Variants in CD44 observed in about 807,000 individuals in gnomAD.
The protein encoded by CD44 is CD44 antigen.
In CD44, 49 loss-of-function variants were observed where a neutral mutation model predicts 88.8. That is an observed-to-expected ratio of 0.55 (90% confidence interval 0.44 to 0.70). The LOEUF is 0.70. Ranked by LOEUF, CD44 falls within the 30% of genes least tolerant of loss-of-function variation. CD44 has a pLI of 0.00. For missense variants in CD44, 883 were observed against 913.8 expected, an observed-to-expected ratio of 0.97 and a Z score of 0.43; for synonymous variants, 325 against 312.3, an observed-to-expected ratio of 1.04 and a Z score of -0.43.
chr11:35,223,327 T>G, intron 17 of CD44: 2 of 979,520 alleles, frequency 2.0e-6, no homozygotes, highest in Non-Finnish European at 2.4e-6. Flanking sequence ...TCCTATTGTG[T>G]GCAATCAGCC....
intron 2 of CD44, among the ~76,000 whole-genome samples, chr11:35,178,369 A>G (rs1378610121): frequency 6.6e-6 from 1 of 152,146 alleles, no homozygotes; most frequent in African/African-American, 2.4e-5. Flanking sequence ...TTAATCCTCA[A>G]ACTGCAGTAT....
At chr11:35,224,216 C>T (rs1411592528) in intron 17 of CD44, among the ~76,000 whole-genome samples, 2 of 152,172 alleles carry the variant, frequency 1.3e-5, no homozygotes, top group South Asian at 4.1e-4. Flanking sequence ...GTCACGTTGT[C>T]TTAAAGATGC....
intron 8 of CD44, 161 bp from the exon 9 acceptor site, chr11:35,201,510 G>C (rs1362293074): frequency 2.7e-6 from 2 of 743,410 alleles, no homozygotes; most frequent in Non-Finnish European, 4.3e-6. Flanking sequence ...ATTTTCTCTT[G>C]AGACCAATTA....
intron 1 of CD44, among the ~76,000 whole-genome samples, chr11:35,140,463 G>A (rs1267497182): frequency 6.6e-6 from 1 of 152,158 alleles, no homozygotes; most frequent in East Asian, 1.9e-4. Context: ...CCAGTTCCAC[G>A]GGAGTACTGA....
chr11:35,140,578 G>C (rs1304830823), intron 1 of CD44, among the ~76,000 whole-genome samples: 1 of 152,154 alleles, frequency 6.6e-6, no homozygotes, highest in South Asian at 2.1e-4. Flanking sequence ...TTCTGCAGTA[G>C]GAAGAAAGTG....
intron 1 of CD44, among the ~76,000 whole-genome samples, chr11:35,140,609 A>AGGATGAGT (rs1371756772): frequency 2.6e-5 from 4 of 152,332 alleles, no homozygotes; most frequent in African/African-American, 9.6e-5. Context: ...GAGGCTAGGC[A>AGGATGAGT]GGATGAGTTC....
intron 12 of CD44, among the ~76,000 whole-genome samples, 183 bp downstream of exon 12, chr11:35,208,389 T>A (rs550476519): frequency 1.3e-5 from 2 of 152,222 alleles, no homozygotes; most frequent in Non-Finnish European, 2.9e-5. Flanking sequence ...TGATTTTCCC[T>A]TCATTTCTTT....
Position 35,201,136 on chromosome 11 carries a change from A to G in CD44, c.977A>G (p.Gln326Arg). 6.2e-7 allele frequency: 1 copy of G among 1,614,164 alleles called. No individual in the cohort carries two copies. The highest frequency in any genetic ancestry group is 1.1e-5 in the South Asian group (1 of 91,090). The change falls in exon 8 of 18, where the codon CAG (glutamine) becomes CGG (arginine). Residue 326 changes from glutamine (Q) to arginine (R), a missense_variant. Gln to Arg is a conservative substitution (Grantham distance 43). Around this residue, in one of 2 missense-constraint regions of CD44, gnomAD observed 631 missense variants for 590.9 expected, o/e 1.07. Coordinates refer to ENST00000428726, the MANE Select transcript of CD44 (RefSeq NM_000610.4). The stretch of plus-strand genomic sequence containing the variant: ...ACAAAACAGAACCAGGACTGGACCC[A>G]GTGGAACCCAAGCCATTCAAATCCG... Reference protein sequence around the residue: ...DHTKQNQDWTQWNPSHSNPEV... With the variant: ...DHTKQNQDWTRWNPSHSNPEV...
intron 1 of CD44, among the ~76,000 whole-genome samples, chr11:35,153,032 T>C (rs1461317684): frequency 4.6e-5 from 7 of 152,210 alleles, no homozygotes; most frequent in African/African-American, 1.7e-4. Flanking sequence ...TAACAGGGCA[T>C]GTCAGAATGG....
chr11:35,206,939 G>A (rs887727943), intron 11 of CD44, among the ~76,000 whole-genome samples: 9 of 152,210 alleles, frequency 5.9e-5, no homozygotes, highest in African/African-American at 2.2e-4. Context: ...TTAATTCTAT[G>A]TACTGATGAA....
chr11:35,193,189 GGAA>G (rs896355153), intron 5 of CD44, among the ~76,000 whole-genome samples: 14 of 152,110 alleles, frequency 9.2e-5, no homozygotes, highest in African/African-American at 3.4e-4. Flanking sequence ...GGGCCACATT[GGAA>G]GAAGAATTGT....
intron 2 of CD44, among the ~76,000 whole-genome samples, chr11:35,179,931 ACTT>A (rs927901596): frequency 1.3e-5 from 2 of 152,104 alleles, no homozygotes; most frequent in Non-Finnish European, 2.9e-5. Context: ...TTACATCAAA[ACTT>A]CTCTCTTCTG....
At chr11:35,186,806 CT>C in intron 3 of CD44, 25 bp from the exon 4 acceptor site, 1 of 1,411,736 alleles carries the variant, frequency 7.1e-7, no homozygotes, top group Non-Finnish European at 1.0e-6. Context: ...TTAAAGGGTT[CT>C]CATCCTTTTT....
At chr11:35,221,486 A>C (rs1244407328) in intron 16 of CD44, among the ~76,000 whole-genome samples, 168 bp from the exon 17 acceptor site, 2 of 152,250 alleles carry the variant, frequency 1.3e-5, no homozygotes, top group African/African-American at 4.8e-5. Flanking sequence ...TACCTTCAGC[A>C]AATTGCTCTT....
intron 13 of CD44, among the ~76,000 whole-genome samples, chr11:35,210,970 T>A (rs1371356820): frequency 2.0e-5 from 3 of 152,202 alleles, no homozygotes. Context: ...ACAGTTGTAG[T>A]GACATAGCCT....
rs1276673840 is a variant in CD44 at position 35,186,140 on chromosome 11, C to A, written c.368-692C>A. On this transcript the variant is annotated intron_variant, in intron 3 of 17. Transcript: ENST00000428726. ...TCTGGGCACCTAGGCCAAAGGTGGT[C>A]AACCTCAGAAGCAACATGCTGAGAA... is the stretch of plus-strand genomic sequence containing the variant. Among the ~76,000 whole-genome samples, 6 of 152,164 alleles carry A rather than the reference C, an allele frequency of 3.9e-5. No homozygotes were observed. The East Asian group carries it at 9.6e-4, about 24-fold the overall frequency.
intron 1 of CD44, among the ~76,000 whole-genome samples, chr11:35,149,069 G>A (rs572816561): frequency 2.6e-5 from 4 of 152,274 alleles, no homozygotes; most frequent in East Asian, 3.9e-4. Context: ...CCAGTAGAAC[G>A]GGGATCTGGA....
chr11:35,187,098 C>T (rs1290093610), intron 4 of CD44, among the ~76,000 whole-genome samples, 198 bp downstream of exon 4: 5 of 151,824 alleles, frequency 3.3e-5, no homozygotes, highest in Non-Finnish European at 4.4e-5. Context: ...TATGGCGAAA[C>T]CTTATCTCTA....
At chr11:35,155,318 T>C (rs1025765077) in intron 1 of CD44, among the ~76,000 whole-genome samples, 1 of 152,200 alleles carries the variant, frequency 6.6e-6, no homozygotes, top group Non-Finnish European at 1.5e-5. Flanking sequence ...AGAATAACTT[T>C]TTTTGCATTG....
Sources: gnomAD v4.1 joint callset for allele counts (sites outside exome capture counted in the v4.1 genomes callset) on GRCh38, gnomAD v4.1.1 for gene constraint, gnomAD v4.1.1 regional missense constraint, MANE v1.5 for transcripts, NCBI Gene and HGNC (gene_info 2026-07-23, HGNC 2026-07-21) for gene names.